Variants in GFPT2 observed in about 807,000 individuals in gnomAD.
The protein encoded by GFPT2 is glutamine--fructose-6-phosphate aminotransferase [isomerizing] 2.
In GFPT2, 62 loss-of-function variants were observed where a neutral mutation model predicts 85.6. That is an observed-to-expected ratio of 0.72 (90% CI 0.59 to 0.90). The LOEUF (loss-of-function observed/expected upper bound fraction) is 0.90. Among genes scored for constraint, GFPT2 ranks in the 40% least tolerant of loss-of-function variants. The pLI is 0.00. For synonymous variants in GFPT2, 368 were observed against 344.5 expected, an observed-to-expected ratio of 1.07 and a Z score of -0.75; for missense variants, 788 against 893.4, an observed-to-expected ratio of 0.88 and a Z score of 1.50.
chr5:180,350,535 T>G (rs984193238), intron 1 of GFPT2, among the ~76,000 whole-genome samples: 24 of 152,116 alleles, frequency 1.6e-4, no homozygotes, highest in African/African-American at 5.5e-4. Context: ...TGCCCCTTCT[T>G]TGAGGGGAGG....
intron 3 of GFPT2, chr5:180,336,195 T>C (rs1764391381): frequency 1.8e-6 from 1 of 570,326 alleles, no homozygotes; most frequent in Non-Finnish European, 3.1e-6. Flanking sequence ...GAAAATGATA[T>C]ATCCCTACCA....
intron 7 of GFPT2, among the ~76,000 whole-genome samples, chr5:180,326,460 T>C (rs2127652776): frequency 6.6e-6 from 1 of 152,226 alleles, no homozygotes; most frequent in South Asian, 2.1e-4. Flanking sequence ...CCATAATCTG[T>C]TAGCCTGACT....
intron 1 of GFPT2, among the ~76,000 whole-genome samples, chr5:180,345,995 C>T (rs1034214267): frequency 2.6e-5 from 4 of 152,012 alleles, no homozygotes; most frequent in African/African-American, 9.7e-5. Context: ...CGGCCCCATG[C>T]ACCATGAGGA....
At chr5:180,308,372 G>T (rs1164999568) in intron 15 of GFPT2, among the ~76,000 whole-genome samples, 1 of 152,114 alleles carries the variant, frequency 6.6e-6, no homozygotes. Flanking sequence ...ACAAGAATTA[G>T]TGAGAAGAAT....
In GFPT2 at chr5:180,320,149, T is replaced by G. The variant is rs148186967; in HGVS notation, c.795-1193A>C. Reference sequence around the variant, plus strand: ...CTGGGACTACAGGTGCCCGACACCATGCCCGGCTACTTTTTTGTATTTTTA... The same window carrying G: ...CTGGGACTACAGGTGCCCGACACCAGGCCCGGCTACTTTTTTGTATTTTTA... On this transcript the variant is annotated intron_variant, in intron 9 of 18. Coordinates refer to ENST00000253778, the MANE Select transcript of GFPT2 (RefSeq NM_005110.4). Among the ~76,000 whole-genome samples the G allele has an allele frequency of 9.0e-3, 1,376 of 152,102 alleles. 20 individuals are homozygous for G. The highest frequency in any genetic ancestry group is 0.032 in the African/African-American group (1,318 of 41,522).
At chr5:180,314,425 G>T (rs1763962504) in intron 13 of GFPT2, among the ~76,000 whole-genome samples, 2 of 152,174 alleles carry the variant, frequency 1.3e-5, no homozygotes, top group East Asian at 1.9e-4. Context: ...TGTTTGAAAG[G>T]ACACTTCTTG....
rs1010557873 is a variant in GFPT2 at position 180,328,919 on chromosome 5, C to T, written c.535-581G>A. ...GAGACCCAAGAGAAGCACAGGTTGT[C>T]ATGACCGTTACTGCTATTATCCTTT... On this transcript the variant is annotated intron_variant, in intron 6 of 18. Transcript: ENST00000253778. This position sits in a 1 kb window ranked among gnomAD's most constrained non-coding sequence, Gnocchi z 5.4. Among the ~76,000 whole-genome samples the T allele has an allele frequency of 1.3e-5, 2 of 152,224 alleles. No homozygotes were observed. The highest frequency in any genetic ancestry group is 2.9e-5 in the Non-Finnish European group (2 of 68,046).
Position 180,328,360 on chromosome 5 carries a change from G to T in GFPT2, c.535-22C>A. On this transcript the variant is annotated intron_variant, in intron 6 of 18. Transcript: ENST00000253778. This position sits in a 1 kb window ranked among gnomAD's most constrained non-coding sequence, Gnocchi z 5.4. ...CTTCCTGAAAACACACAAACAGTGA[G>T]GGTCAACGCGTTCCAGCAGCCGCTG... 6.3e-7 allele frequency: 1 copy of T among 1,596,224 alleles called. No individual in the cohort carries two copies. The highest frequency in any genetic ancestry group is 2.2e-5 in the East Asian group (1 of 44,800).
chr5:180,317,134 C>T (rs1477965913), intron 10 of GFPT2, 76 bp from the exon 11 acceptor site: 4 of 970,654 alleles, frequency 4.1e-6, no homozygotes, highest in Admixed American at 1.7e-5. Flanking sequence ...GCGATAGTAA[C>T]TCCTGTAAAG....
In GFPT2 at chr5:180,301,260, T is replaced by A. The variant is rs1316887365; in HGVS notation, c.*304A>T. ...CTTTTAAAACTAACTCTAGTGTTGG[T>A]TATAAAAGGTTCACAGTTACTCTGA... On this transcript the variant is annotated 3_prime_UTR_variant, in exon 19 of 19. Transcript: ENST00000253778. 11 of 434,284 alleles carry A rather than the reference T, an allele frequency of 2.5e-5. No homozygotes were observed. The Admixed American group carries it at 4.3e-4, about 17-fold the overall frequency. The allele number at this position is 434,284 out of a possible 1,614,324, so 26.9% of individuals were successfully genotyped here.
Position 180,328,798 on chromosome 5 carries a change from C to T in GFPT2, c.535-460G>A, listed in dbSNP as rs576085780. ...TGGGCTCTCCCTTTAGCCTTCTTGG[C>T]GCCTCGTTCTCCTCATCGGTGAAGG... is the stretch of plus-strand genomic sequence containing the variant. On this transcript the variant is annotated intron_variant, in intron 6 of 18. Transcript: ENST00000253778. This position sits in a 1 kb window ranked among gnomAD's most constrained non-coding sequence, Gnocchi z 5.4. Among the ~76,000 whole-genome samples, 39 of 152,210 alleles carry T rather than the reference C, an allele frequency of 2.6e-4. No homozygotes were observed. Among genetic ancestry groups the T allele is most frequent in the African/African-American group, 7.0e-4 (29 of 41,458 alleles).
intron 1 of GFPT2, among the ~76,000 whole-genome samples, chr5:180,341,313 C>T (rs1246347036): frequency 6.6e-6 from 1 of 152,098 alleles, no homozygotes; most frequent in Admixed American, 6.5e-5. Flanking sequence ...ACAACCTGCC[C>T]CTAGATAACA....
At position 180,321,300 on chromosome 5, in the gene GFPT2, G is replaced by A. The variant is rs140799774; in HGVS notation, c.795-2344C>T. On this transcript the variant is annotated intron_variant, in intron 9 of 18. Coordinates refer to ENST00000253778, the MANE Select transcript of GFPT2 (RefSeq NM_005110.4). ...CATTAACCAACCAACAATGCATGAC[G>A]CATGTGTGTTTATATTTATGTGTGC... Among the ~76,000 whole-genome samples, 15 of 152,274 alleles carry A rather than the reference G, an allele frequency of 9.9e-5. No homozygotes were observed. The East Asian group carries it at 1.7e-3, about 18-fold the overall frequency.
intron 1 of GFPT2, among the ~76,000 whole-genome samples, chr5:180,348,244 A>G (rs931336297): frequency 4.6e-5 from 7 of 152,314 alleles, no homozygotes; most frequent in Admixed American, 1.3e-4. Context: ...GTCTGCCTCA[A>G]TGAGGGCTCG....
intron 15 of GFPT2, among the ~76,000 whole-genome samples, chr5:180,308,873 CT>C (rs35259770): frequency 1.6e-3 from 231 of 143,768 alleles, no homozygotes; most frequent in Middle Eastern, 3.6e-3. Context: ...TCAGAGAAGA[CT>C]TTTTTTTTTT....
At chr5:180,346,125 G>A (rs921039874) in intron 1 of GFPT2, among the ~76,000 whole-genome samples, 1 of 152,030 alleles carries the variant, frequency 6.6e-6, no homozygotes, top group East Asian at 1.9e-4. Flanking sequence ...AACCCTTCCC[G>A]AGCTTCACCT....
At chr5:180,341,931 C>T (rs186036455) in intron 1 of GFPT2, among the ~76,000 whole-genome samples, 3 of 152,286 alleles carry the variant, frequency 2.0e-5, no homozygotes, top group South Asian at 2.1e-4. Context: ...GATATGGTTT[C>T]GCTGTGTCCC....
Position 180,312,527 on chromosome 5 carries a change from G to A in GFPT2, c.1449C>T (p.Phe483=). Residue 483 remains phenylalanine, a synonymous_variant, in exon 15 of 19, where the codon TTC becomes TTT. Transcript: ENST00000253778. ...TCAAACCAAACATCACCAGAGAGAT[G>A]AACTGACTGGTATAAGCCTGTGCAC... ...VASTKAYTSQ[F]ISLVMFGLMM... 6.3e-7 allele frequency: 1 copy of A among 1,580,832 alleles called. No homozygotes were observed. The highest frequency in any genetic ancestry group is 8.7e-7 in the Non-Finnish European group (1 of 1,149,588).
chr5:180,351,250 T>A (rs1298940677), intron 1 of GFPT2, among the ~76,000 whole-genome samples: 1 of 152,258 alleles, frequency 6.6e-6, no homozygotes, highest in African/African-American at 2.4e-5. Flanking sequence ...CTGCCTGCTC[T>A]GAGCCAGGAA....
Sources: gnomAD v4.1 joint callset for allele counts (sites outside exome capture counted in the v4.1 genomes callset) on GRCh38, gnomAD v4.1.1 for gene constraint, Gnocchi (gnomAD v3.1) non-coding constraint, MANE v1.5 for transcripts, NCBI Gene and HGNC (gene_info 2026-07-23, HGNC 2026-07-21) for gene names.